ADAMTSL1: variants seen among roughly 807,000 people sequenced by gnomAD.
The protein encoded by ADAMTSL1 is ADAMTS-like protein 1.
In ADAMTSL1, 126 loss-of-function variants were observed where a neutral mutation model predicts 201.8. The ratio of observed to expected loss-of-function variants is 0.62; its 90% CI spans 0.54 to 0.72. The LOEUF is 0.72. Among genes scored for constraint, ADAMTSL1 ranks in the 30% least tolerant of loss-of-function variants. The pLI, the probability that ADAMTSL1 is intolerant of heterozygous loss-of-function variation, is 0.00. For missense variants in ADAMTSL1, 2,679 were observed against 2,277.8 expected (o/e 1.18, Z -3.59); for synonymous variants, 1,121 against 903.4 (o/e 1.24, Z -4.32).
intron 22 of ADAMTSL1, among the ~76,000 whole-genome samples, chr9:18,827,194 C>T (rs1222704505): frequency 6.7e-6 from 1 of 149,900 alleles, no homozygotes; most frequent in Non-Finnish European, 1.5e-5. Flanking sequence ...TTGGCTTTCT[C>T]AAAAAAAAGA....
At chr9:18,669,797 C>T (rs762834746) in intron 9 of ADAMTSL1, among the ~76,000 whole-genome samples, 5 of 152,152 alleles carry the variant, frequency 3.3e-5, no homozygotes, top group Non-Finnish European at 7.4e-5. Context: ...GGCACCTACT[C>T]TTACTTCATC....
intron 2 of ADAMTSL1, among the ~76,000 whole-genome samples, chr9:18,527,933 A>C (rs1293150279): frequency 6.6e-6 from 1 of 152,150 alleles, no homozygotes; most frequent in Non-Finnish European, 1.5e-5. Context: ...GCTGGAATGC[A>C]ATGGTACAAT....
At chr9:18,830,435 C>A (rs571216771) in intron 23 of ADAMTSL1, among the ~76,000 whole-genome samples, 5 of 152,166 alleles carry the variant, frequency 3.3e-5, no homozygotes, top group Admixed American at 6.5e-5. Flanking sequence ...GAAGACTATA[C>A]TATTTAGACC....
chr9:18,715,101 G>C (rs1027206432), intron 14 of ADAMTSL1, among the ~76,000 whole-genome samples: 13 of 124,588 alleles, frequency 1.0e-4, no homozygotes, highest in African/African-American at 2.8e-4. Flanking sequence ...AATAATAAGA[G>C]CTATCTATGA....
chr9:18,706,818 G>A lies in ADAMTSL1; in HGVS notation c.1646G>A (p.Cys549Tyr). The change falls in exon 14 of 29, where the codon TGC becomes TAC. Residue 549 changes from cysteine to tyrosine, a missense_variant. Cys to Tyr is a radical substitution (Grantham distance 194). Coordinates refer to ENST00000380548, the MANE Select transcript of ADAMTSL1 (RefSeq NM_001040272.6). ...GVGTQVRIVR[C>Y]QVLLSFSQSV... Reference sequence around the variant, plus strand: ...GGGACCCAGGTGCGAATAGTCAGGTGCCAGGTGCTCCTGTCTTTCTCTCAG... The same window carrying A: ...GGGACCCAGGTGCGAATAGTCAGGTACCAGGTGCTCCTGTCTTTCTCTCAG... The A allele has an allele frequency of 6.2e-7, 1 of 1,610,614 alleles. No individual in the cohort carries two copies. The highest frequency in any genetic ancestry group is 8.5e-7 in the Non-Finnish European group (1 of 1,178,318).
chr9:18,626,874 TCTTCCTTCCTTC>T (rs144729108), intron 5 of ADAMTSL1, among the ~76,000 whole-genome samples: 10 of 113,018 alleles, frequency 8.8e-5, no homozygotes, highest in African/African-American at 2.0e-4. Flanking sequence ...TTTCTGTCTT[TCTTCCTTCCTTC>T]CTTCCTTCCT....
intron 1 of ADAMTSL1, among the ~76,000 whole-genome samples, chr9:18,503,356 T>A (rs1016097562): frequency 6.6e-6 from 1 of 150,852 alleles, no homozygotes; most frequent in African/African-American, 2.4e-5. Context: ...TGTCTTTAAG[T>A]TTCATTCATG....
chr9:18,827,574 A>G (rs906460383), intron 22 of ADAMTSL1, among the ~76,000 whole-genome samples: 1 of 152,206 alleles, frequency 6.6e-6, no homozygotes, highest in Admixed American at 6.5e-5. Flanking sequence ...CTGAGCTGCT[A>G]GTCTGGAGCC....
At chr9:18,790,744 C>A (rs1325820851) in intron 19 of ADAMTSL1, among the ~76,000 whole-genome samples, 2 of 151,468 alleles carry the variant, frequency 1.3e-5, no homozygotes. Context: ...TAAAGGCCCC[C>A]AGAAAAACAA....
chr9:18,189,426 A>G lies in ADAMTSL1; in HGVS notation c.207+25445A>G, dbSNP rs373398939. On this transcript the variant is annotated intron_variant, in intron 2 of 29. Coordinates refer to the ADAMTSL1 transcript ENST00000680146. ...CTATAGAAGGCTATGTGGTGTCTGT[A>G]TAAGATTTTTCTCAAGACAACTAGC... Among the ~76,000 whole-genome samples, 3 of 152,174 alleles carry G rather than the reference A, an allele frequency of 2.0e-5. No individual in the cohort carries two copies. The South Asian group carries it at 6.2e-4, about 31-fold the overall frequency.
intron 4 of ADAMTSL1, among the ~76,000 whole-genome samples, chr9:18,596,332 A>T (rs2225568): frequency 0.54 from 82,539 of 151,938 alleles, 22,581 homozygotes; most frequent in East Asian, 0.7. Flanking sequence ...TTTGTATCCA[A>T]TCAGATACAA....
At chr9:18,055,576 A>G (rs566438324) in intron 1 of ADAMTSL1, among the ~76,000 whole-genome samples, 2 of 152,356 alleles carry the variant, frequency 1.3e-5, no homozygotes, top group South Asian at 4.1e-4. Flanking sequence ...TTGCTTTTCT[A>G]TGGTTCCCTT....
intron 1 of ADAMTSL1, among the ~76,000 whole-genome samples, chr9:17,912,532 TG>T: frequency 1.5e-5 from 1 of 64,692 alleles, no homozygotes; most frequent in Non-Finnish European, 4.6e-5. Flanking sequence ...TTGATGGGGT[TG>T]TTTGTTTTTT....
chr9:18,387,725 T>C (rs896396879), intron 2 of ADAMTSL1, among the ~76,000 whole-genome samples: 9 of 152,158 alleles, frequency 5.9e-5, no homozygotes, highest in African/African-American at 1.9e-4. Context: ...TAGATTTTCT[T>C]TAAGACAGAT....
chr9:18,771,705 CTTTTTTTTTTTTT>C (rs374268861), intron 17 of ADAMTSL1, among the ~76,000 whole-genome samples: 18 of 91,756 alleles, frequency 2.0e-4, no homozygotes, highest in Admixed American at 5.9e-4. Context: ...ACCCCAGTGC[CTTTTTTTTTTTTT>C]TTTTTTTTTT....
intron 2 of ADAMTSL1, among the ~76,000 whole-genome samples, chr9:18,453,349 G>T (rs1820485315): frequency 6.6e-6 from 1 of 152,012 alleles, no homozygotes; most frequent in African/African-American, 2.4e-5. Context: ...GCAATGGGAG[G>T]GGCAGCCATG....
chr9:18,138,201 A>T (rs138362090), intron 1 of ADAMTSL1, among the ~76,000 whole-genome samples: 1 of 152,304 alleles, frequency 6.6e-6, no homozygotes, highest in East Asian at 1.9e-4. Flanking sequence ...AAATGAGGCA[A>T]TATGTGTTCA....
In ADAMTSL1 at chr9:18,594,151, CA is replaced by C. The variant is rs200717269; in HGVS notation, c.474+19886del. ...TTACAGGGTACAATCTTTTTGTTGA[CA>C]TTTTTTTTTCCTTCAGCGTTCTGAG... On this transcript the variant is annotated intron_variant, in intron 4 of 28. Transcript: ENST00000380548. 8.0e-4 allele frequency among the ~76,000 whole-genome samples: 122 copies of C among 151,992 alleles called. 3 individuals carry two copies. In the East Asian group the frequency reaches 0.022, roughly 28 times the overall value.
At chr9:18,251,870 A>G (rs1366554548) in intron 2 of ADAMTSL1, among the ~76,000 whole-genome samples, 1 of 152,198 alleles carries the variant, frequency 6.6e-6, no homozygotes, top group African/African-American at 2.4e-5. Flanking sequence ...CAGTGGGAAA[A>G]ATTTGGTTCA....
Sources: gnomAD v4.1 joint callset for allele counts (sites outside exome capture counted in the v4.1 genomes callset) on GRCh38, gnomAD v4.1.1 for gene constraint, MANE v1.5 for transcripts, NCBI Gene and HGNC (gene_info 2026-07-23, HGNC 2026-07-21) for gene names.